The following TNRC6B variants were observed in gnomAD, a reference collection of about 807,000 sequenced individuals.
TNRC6B encodes the protein trinucleotide repeat containing adaptor 6B, also known as trinucleotide repeat-containing gene 6B protein.
Under a neutral mutation model 203.6 loss-of-function variants are expected in TNRC6B, and 52 were observed. That is an observed-to-expected ratio of 0.26 (90% CI 0.20 to 0.32). TNRC6B has a LOEUF of 0.32. TNRC6B is among the 10% of genes least tolerant of loss of function. The probability of loss-of-function intolerance (pLI) is 1.00; values close to 1 mark genes in which losing one functional copy is unlikely to be tolerated. For missense variants in TNRC6B, 1,923 were observed against 2,286.2 expected (o/e 0.84, Z 3.24); for synonymous variants, 838 against 845.7 (o/e 0.99, Z 0.16).
intron 12 of TNRC6B, among the ~76,000 whole-genome samples, chr22:40,289,251 C>A (rs946203922): frequency 1.3e-5 from 2 of 151,902 alleles, no homozygotes; most frequent in Non-Finnish European, 2.9e-5. Flanking sequence ...CACTGCACTC[C>A]AGCCTGGGCA....
chr22:40,098,280 G>C (rs1357899857), intron 1 of TNRC6B, among the ~76,000 whole-genome samples: 1 of 151,382 alleles, frequency 6.6e-6, no homozygotes, highest in African/African-American at 2.4e-5. Context: ...CAGCTACACA[G>C]GAGGCTGAGG....
At chr22:40,219,631 C>T (rs1189510816) in intron 1 of TNRC6B, among the ~76,000 whole-genome samples, 1 of 152,142 alleles carries the variant, frequency 6.6e-6, no homozygotes, top group Non-Finnish European at 1.5e-5. Context: ...CTCCTTCCTG[C>T]GCTTCACACT....
intron 1 of TNRC6B, among the ~76,000 whole-genome samples, chr22:40,218,271 T>C (rs2069661520): frequency 6.6e-6 from 1 of 151,426 alleles, no homozygotes; most frequent in South Asian, 2.1e-4. Context: ...AAGGAAGTGC[T>C]ACCTGGAGAG....
At chr22:40,054,495 A>AGT (rs779435776) in intron 1 of TNRC6B, among the ~76,000 whole-genome samples, 3 of 152,128 alleles carry the variant, frequency 2.0e-5, no homozygotes, top group African/African-American at 7.2e-5. Flanking sequence ...TCCTGAGCTC[A>AGT]GTGTGTGTGT....
At chr22:40,165,519 C>A (rs757325311) in intron 4 of TNRC6B, among the ~76,000 whole-genome samples, 6 of 152,112 alleles carry the variant, frequency 3.9e-5, no homozygotes, top group Non-Finnish European at 5.9e-5. Context: ...TTCCAACAGA[C>A]CTGATTTTAT....
intron 4 of TNRC6B, among the ~76,000 whole-genome samples, chr22:40,166,210 T>C (rs912427192): frequency 1.1e-4 from 16 of 152,042 alleles, no homozygotes; most frequent in Non-Finnish European, 2.4e-4. Flanking sequence ...CCGGCTTTTG[T>C]GGGAATACTC....
At chr22:40,287,824 G>A (rs1409517104) in intron 12 of TNRC6B, among the ~76,000 whole-genome samples, 1 of 152,194 alleles carries the variant, frequency 6.6e-6, no homozygotes, top group Non-Finnish European at 1.5e-5. Flanking sequence ...TTGAGGTGAG[G>A]AGGAGGTGAT....
At chr22:40,077,736 A>G (rs1311603225) in intron 1 of TNRC6B, among the ~76,000 whole-genome samples, 1 of 152,044 alleles carries the variant, frequency 6.6e-6, no homozygotes, top group Non-Finnish European at 1.5e-5. Context: ...CGCTGAGATA[A>G]CCACTGTTAA....
rs9611258 is a variant in TNRC6B at position 40,065,957 on chromosome 22, C to T, written c.-121+20959C>T. Reference sequence around the variant, plus strand: ...GCTTAGGGCAGTTTTCTCACATAAACGTGCTGTTTTTGAACTCAGCTGAAT... The same window carrying T: ...GCTTAGGGCAGTTTTCTCACATAAATGTGCTGTTTTTGAACTCAGCTGAAT... On this transcript the variant is annotated intron_variant, in intron 1 of 23. Transcript: ENST00000301923. 6.9e-3 allele frequency among the ~76,000 whole-genome samples: 1,050 copies of T among 152,212 alleles called. 5 individuals are homozygous for T. Among genetic ancestry groups the T allele is most frequent in the Admixed American group, 0.011 (170 of 15,296 alleles).
At chr22:40,313,960 A>G (rs1437499987) in intron 19 of TNRC6B, among the ~76,000 whole-genome samples, 1 of 152,216 alleles carries the variant, frequency 6.6e-6, no homozygotes, top group Admixed American at 6.5e-5. Flanking sequence ...CAAGTATGTA[A>G]AGGAGACATC....
chr22:40,108,162 C>A (rs752417247), intron 1 of TNRC6B, among the ~76,000 whole-genome samples: 1 of 152,044 alleles, frequency 6.6e-6, no homozygotes, highest in Non-Finnish European at 1.5e-5. Context: ...TTCTGGTAAG[C>A]CATTTACAGC....
At chr22:40,046,314 G>A (rs1167524680) in intron 1 of TNRC6B, among the ~76,000 whole-genome samples, 3 of 152,212 alleles carry the variant, frequency 2.0e-5, no homozygotes, top group Non-Finnish European at 2.9e-5. Flanking sequence ...TGTCTCTACA[G>A]CGCGCAGCAT....
At chr22:40,168,057 G>A (rs2068936745) in intron 4 of TNRC6B, among the ~76,000 whole-genome samples, 1 of 152,160 alleles carries the variant, frequency 6.6e-6, no homozygotes, top group African/African-American at 2.4e-5. Context: ...GATCTAAGCC[G>A]TAGTGCCTCC....
intron 2 of TNRC6B, among the ~76,000 whole-genome samples, chr22:40,249,564 C>T (rs751772810): frequency 1.3e-5 from 2 of 152,160 alleles, no homozygotes; most frequent in South Asian, 2.1e-4. Flanking sequence ...TCCAGCTTCT[C>T]GCCGTCTGGG....
intron 1 of TNRC6B, among the ~76,000 whole-genome samples, chr22:40,116,415 A>C (rs1459893755): frequency 6.6e-5 from 10 of 152,192 alleles, no homozygotes; most frequent in African/African-American, 2.4e-4. Flanking sequence ...CAAATACATG[A>C]ATATATATTT....
chr22:40,096,952 T>G (rs1483462039), intron 1 of TNRC6B, among the ~76,000 whole-genome samples: 2 of 152,208 alleles, frequency 1.3e-5, no homozygotes, highest in African/African-American at 2.4e-5. Context: ...CACAAAAGGT[T>G]ATCAGAGTTG....
intron 1 of TNRC6B, among the ~76,000 whole-genome samples, chr22:40,233,756 C>G (rs1302929868): frequency 6.6e-6 from 1 of 152,188 alleles, no homozygotes; most frequent in Non-Finnish European, 1.5e-5. Flanking sequence ...CGGCAAAAGT[C>G]TATTGCCATA....
chr22:40,052,688 A>G lies in TNRC6B; in HGVS notation c.-121+7690A>G, dbSNP rs111500645. Among the ~76,000 whole-genome samples the G allele has an allele frequency of 3.7e-4, 57 of 152,170 alleles. 1 individual carries two copies. The highest frequency in any genetic ancestry group is 1.3e-3 in the African/African-American group (56 of 41,522). ...GGTCTGGATCTCCCAGGCTCAAGCA[A>G]TCTGCCTGCCTTAGCCTCCCAAAGT... On this transcript the variant is annotated intron_variant, in intron 1 of 23. Coordinates refer to the TNRC6B transcript ENST00000301923.
intron 22 of TNRC6B, 28 bp downstream of exon 22, chr22:40,321,257 G>T: frequency 6.2e-7 from 1 of 1,607,656 alleles, no homozygotes; most frequent in South Asian, 1.1e-5. Flanking sequence ...CACCCACGTA[G>T]ACAAACATGC....
Sources: allele counts gnomAD v4.1 joint callset (sites outside exome capture counted in the v4.1 genomes callset), GRCh38; gene constraint gnomAD v4.1.1; transcripts MANE v1.5; gene names NCBI Gene and HGNC (gene_info 2026-07-23, HGNC 2026-07-21).